Variants in TTC34 observed in about 807,000 individuals in gnomAD.
TTC34 encodes the protein tetratricopeptide repeat protein 34.
TTC34 carries 44 observed loss-of-function variants against 40.7 expected under a neutral mutation model. The ratio of observed to expected loss-of-function variants is 1.08; its 90% CI spans 0.85 to 1.39. The LOEUF is 1.39. Among genes scored for constraint, TTC34 ranks in the 40% most tolerant of loss-of-function variants. TTC34 has a pLI of 0.00. For missense variants in TTC34, 884 were observed against 838.0 expected (o/e 1.05, Z -0.68); for synonymous variants, 422 against 398.6 (o/e 1.06, Z -0.70).
At chr1:2,788,254 T>G (rs1422031264) in intron 3 of TTC34, among the ~76,000 whole-genome samples, 1 of 152,188 alleles carries the variant, frequency 6.6e-6, no homozygotes, top group Non-Finnish European at 1.5e-5. Flanking sequence ...AGAGGAACTC[T>G]GTGTGTTTTG....
chr1:2,794,677 G>T (rs1338563734), intron 2 of TTC34, among the ~76,000 whole-genome samples: 2 of 152,148 alleles, frequency 1.3e-5, no homozygotes, highest in Admixed American at 1.3e-4. Flanking sequence ...CCTCGTAATT[G>T]ATTTTAAATG....
At chr1:2,685,279 C>G (rs1364816117) in intron 6 of TTC34, among the ~76,000 whole-genome samples, 2 of 125,460 alleles carry the variant, frequency 1.6e-5, no homozygotes, top group Non-Finnish European at 3.3e-5. Context: ...CACCCTGCAC[C>G]CCCAGGTGAG....
intron 6 of TTC34, among the ~76,000 whole-genome samples, chr1:2,760,885 C>A (rs1414279510): frequency 2.0e-4 from 6 of 29,660 alleles, no homozygotes; most frequent in African/African-American, 5.0e-4. Flanking sequence ...CTCCCACACA[C>A]CCAGGTAAGC....
intron 6 of TTC34, among the ~76,000 whole-genome samples, chr1:2,688,157 G>C (rs1305261005): frequency 2.1e-4 from 8 of 37,576 alleles, no homozygotes; most frequent in African/African-American, 5.1e-4. Context: ...GGCCTGGAAG[G>C]GCACCCACAC....
rs1483729667 is a variant in TTC34, at chr1:2,755,974, A to G, written c.2226+27635T>C. ...AGGTGAGGATCTGACAGCCTGGAAC[A>G]GCACCCTGCAACCCAGGTGAGCATC... On this transcript the variant is annotated intron_variant, in intron 6 of 8. Coordinates refer to ENST00000401095, the Ensembl canonical transcript of TTC34. Among the ~76,000 whole-genome samples, 3 of 75,910 alleles carry G rather than the reference A, an allele frequency of 4.0e-5. 1 individual carries two copies. The highest frequency in any genetic ancestry group is 6.9e-5 in the Non-Finnish European group (3 of 43,576). The allele number at this position is 75,910 out of a possible 152,430, so 49.8% of individuals were successfully genotyped here. A position where few individuals can be genotyped will look rare whatever the true frequency, so the allele number is the denominator to read the frequency against.
chr1:2,758,894 ACCGCCTGGAACATCACCCACACCCC>A (rs2100455512), intron 6 of TTC34, among the ~76,000 whole-genome samples: 1 of 37,134 alleles, frequency 2.7e-5, no homozygotes, highest in Non-Finnish European at 4.2e-5. Flanking sequence ...TGAGCAGCTG[ACCGCCTGGAACATCACCCACACCCC>A]CAGGTGAGCA....
intron 6 of TTC34, among the ~76,000 whole-genome samples, chr1:2,649,675 G>A (rs1639087645): frequency 1.3e-5 from 2 of 152,138 alleles, no homozygotes; most frequent in South Asian, 4.1e-4. Context: ...GAGTAGCTGC[G>A]ACTACAGGCT....
At chr1:2,695,232 G>C (rs371444514) in intron 6 of TTC34, among the ~76,000 whole-genome samples, 2 of 55,698 alleles carry the variant, frequency 3.6e-5, no homozygotes, top group African/African-American at 7.1e-5. Context: ...ATAGGTCCCT[G>C]CACCCCCAGG....
chr1:2,690,389 A>G (rs1260658290), intron 6 of TTC34, among the ~76,000 whole-genome samples: 1 of 151,894 alleles, frequency 6.6e-6, no homozygotes, highest in Non-Finnish European at 1.5e-5. Flanking sequence ...CCCCCAGGCG[A>G]GCATCTGACC....
intron 6 of TTC34, among the ~76,000 whole-genome samples, chr1:2,653,138 C>T (rs1325125218): frequency 3.3e-5 from 5 of 151,054 alleles, no homozygotes; most frequent in South Asian, 2.1e-4. Flanking sequence ...CCCAGGTGCG[C>T]ATCTGATGGT....
intron 2 of TTC34, among the ~76,000 whole-genome samples, chr1:2,797,363 C>G (rs1452384976): frequency 2.0e-5 from 3 of 152,192 alleles, no homozygotes; most frequent in African/African-American, 7.2e-5. Flanking sequence ...GACACTCACG[C>G]CAGGGAGGTC....
intron 6 of TTC34, among the ~76,000 whole-genome samples, chr1:2,686,710 A>G (rs1640368761): frequency 1.8e-4 from 23 of 127,890 alleles, no homozygotes; most frequent in South Asian, 5.9e-4. Context: ...ACAGCCTGGA[A>G]CAGCACACAC....
At chr1:2,760,413 G>T (rs1339511772) in intron 6 of TTC34, among the ~76,000 whole-genome samples, 2 of 53,108 alleles carry the variant, frequency 3.8e-5, no homozygotes, top group Non-Finnish European at 5.9e-5. Flanking sequence ...ACCCACAGGC[G>T]AGCATCTGAC....
chr1:2,674,792 C>G (rs1256448408), intron 6 of TTC34, among the ~76,000 whole-genome samples: 1 of 84,802 alleles, frequency 1.2e-5, no homozygotes, highest in Admixed American at 1.3e-4. Flanking sequence ...CCTGGAGCAG[C>G]ACCCACAACC....
intron 6 of TTC34, among the ~76,000 whole-genome samples, chr1:2,699,480 A>G (rs1200473977): frequency 3.1e-5 from 4 of 129,220 alleles, no homozygotes; most frequent in Admixed American, 8.2e-5. Context: ...GACAGCCTGG[A>G]GCAGCACCCA....
At chr1:2,792,169 T>C (rs1255847866) in intron 2 of TTC34, among the ~76,000 whole-genome samples, 2 of 151,768 alleles carry the variant, frequency 1.3e-5, no homozygotes, top group Non-Finnish European at 2.9e-5. Context: ...CAGCTCACTT[T>C]TGGATGTTTT....
Position 2,756,745 on chromosome 1 carries a change from A to G in TTC34, c.2226+26864T>C, listed in dbSNP as rs1641520329. 1.5e-4 allele frequency among the ~76,000 whole-genome samples: 18 copies of G among 120,352 alleles called. 1 individual carries two copies. Among genetic ancestry groups the G allele is most frequent in the Non-Finnish European group, 6.6e-5 (4 of 60,902 alleles). 79.0% of individuals were successfully genotyped at this position (120,352 alleles called of 152,430 possible). A position where few individuals can be genotyped will look rare whatever the true frequency, so the allele number is the denominator to read the frequency against. On this transcript the variant is annotated intron_variant, in intron 6 of 8. Coordinates refer to ENST00000401095, the Ensembl canonical transcript of TTC34. Reference sequence around the variant, plus strand: ...TCTGACAGGCTGGAGCAGCACGCACACCCCCAGTTGAGCATCTGACAGCCT... The same window carrying G: ...TCTGACAGGCTGGAGCAGCACGCACGCCCCCAGTTGAGCATCTGACAGCCT...
chr1:2,787,843 C>A, intron 3 of TTC34, 137 bp from the exon 4 acceptor site: 1 of 673,128 alleles, frequency 1.5e-6, no homozygotes, highest in Admixed American at 3.1e-5. Flanking sequence ...TCACGCCACA[C>A]CATCCCCAGA....
At chr1:2,692,643 CATCGT>C (rs1312157810) in intron 6 of TTC34, among the ~76,000 whole-genome samples, 7 of 130,636 alleles carry the variant, frequency 5.4e-5, no homozygotes, top group South Asian at 2.6e-4. Flanking sequence ...GAGCATCTGA[CATCGT>C]GGAGCAGCAC....
Sources: allele counts gnomAD v4.1 joint callset (sites outside exome capture counted in the v4.1 genomes callset), GRCh38; gene constraint gnomAD v4.1.1; transcripts MANE v1.5; gene names NCBI Gene and HGNC (gene_info 2026-07-23, HGNC 2026-07-21).